Variants in STOX2 observed in about 807,000 individuals in gnomAD.
STOX2 encodes the protein storkhead-box protein 2.
A neutral mutation model predicts 60.9 loss-of-function variants in STOX2; 28 were observed. The ratio of observed to expected loss-of-function variants is 0.46; its 90% CI spans 0.34 to 0.63. The LOEUF is 0.63. Among genes scored for constraint, STOX2 ranks in the 30% least tolerant of loss-of-function variants. The pLI, the probability that STOX2 is intolerant of heterozygous loss-of-function variation, is 0.01. For synonymous variants in STOX2, 472 were observed against 463.9 expected, an observed-to-expected ratio of 1.02 and a Z score of -0.22; for missense variants, 1,024 against 1,187.7, an observed-to-expected ratio of 0.86 and a Z score of 2.03.
At chr4:183,930,023 C>G (rs1289629511) in intron 1 of STOX2, among the ~76,000 whole-genome samples, 2 of 152,070 alleles carry the variant, frequency 1.3e-5, no homozygotes, top group Non-Finnish European at 2.9e-5. Context: ...CTCACCACGC[C>G]TGGCTAATTT....
intron 1 of STOX2, among the ~76,000 whole-genome samples, chr4:183,799,701 T>A (rs1433366913): frequency 6.6e-6 from 1 of 151,882 alleles, no homozygotes; most frequent in African/African-American, 2.4e-5. Flanking sequence ...ATCAACTTGA[T>A]TTCATTTGTA....
intron 1 of STOX2, among the ~76,000 whole-genome samples, chr4:183,832,313 G>A (rs1739588780): frequency 6.6e-6 from 1 of 151,560 alleles, no homozygotes; most frequent in African/African-American, 2.4e-5. Flanking sequence ...ATTTCTATTT[G>A]TTTCTGAAAG....
At chr4:183,880,311 G>A (rs1481027303) in intron 1 of STOX2, among the ~76,000 whole-genome samples, 2 of 152,136 alleles carry the variant, frequency 1.3e-5, no homozygotes, top group African/African-American at 2.4e-5. Context: ...TACTGTGAGT[G>A]CAGGAGCAGA....
intron 1 of STOX2, among the ~76,000 whole-genome samples, chr4:183,915,106 G>A (rs967161625): frequency 5.3e-5 from 8 of 152,114 alleles, no homozygotes; most frequent in African/African-American, 1.2e-4. Flanking sequence ...ACTTTAATCC[G>A]TGATGGCCCC....
At chr4:183,891,361 TA>T (rs1560866684) in intron 1 of STOX2, among the ~76,000 whole-genome samples, 4 of 1,324 alleles carry the variant, frequency 3.0e-3, no homozygotes, top group African/African-American at 4.0e-3. Context: ...ATGGAATTTA[TA>T]TATATATATA....
intron 3 of STOX2, chr4:184,014,634 C>T (rs1013328205): frequency 2.6e-5 from 4 of 151,826 alleles, no homozygotes; most frequent in African/African-American, 9.7e-5. Flanking sequence ...TTACTGCTAA[C>T]ATTCTATCTC....
chr4:183,966,162 T>C (rs75702976), intron 1 of STOX2, among the ~76,000 whole-genome samples: 3,013 of 152,152 alleles, frequency 0.02, 99 homozygotes, highest in African/African-American at 0.069. Flanking sequence ...CCTTCAGCTC[T>C]ATATGGCCAA....
chr4:183,957,186 A>AAT (rs1462710839), intron 1 of STOX2, among the ~76,000 whole-genome samples: 1 of 127,890 alleles, frequency 7.8e-6, no homozygotes, highest in Non-Finnish European at 1.7e-5. Context: ...ATAATAATAA[A>AAT]AGAAAAAACA....
intron 1 of STOX2, among the ~76,000 whole-genome samples, chr4:183,802,148 A>T (rs1488366786): frequency 2.0e-5 from 3 of 152,198 alleles, no homozygotes; most frequent in African/African-American, 7.2e-5. Flanking sequence ...TCTGTCCCCA[A>T]ATGGGAAAGT....
At chr4:183,954,138 A>C (rs1181840662) in intron 1 of STOX2, among the ~76,000 whole-genome samples, 1 of 152,148 alleles carries the variant, frequency 6.6e-6, no homozygotes, top group African/African-American at 2.4e-5. Context: ...AAATAACATG[A>C]AAAAAGAAAC....
chr4:183,816,885 A>C (rs894671248), intron 1 of STOX2, among the ~76,000 whole-genome samples: 1 of 152,212 alleles, frequency 6.6e-6, no homozygotes, highest in Non-Finnish European at 1.5e-5. Context: ...TTCTTTGCAG[A>C]GGAAATGGGG....
At chr4:183,822,291 CT>C (rs1457919083) in intron 1 of STOX2, among the ~76,000 whole-genome samples, 1 of 152,212 alleles carries the variant, frequency 6.6e-6, no homozygotes, top group African/African-American at 2.4e-5. Context: ...GGTCTCCAAC[CT>C]TTTTGGCACC....
Position 183,906,803 on chromosome 4 carries a change from C to G in STOX2, c.13C>G (p.Arg5Gly), listed in dbSNP as rs1188519926. The change falls in exon 1 of 4, where the codon CGG becomes GGG. Residue 5 changes from arginine (R) to glycine (G), a missense_variant. Arg to Gly is a moderately radical substitution (Grantham distance 125). Around this residue, in one of 3 missense-constraint regions of STOX2, gnomAD observed 98 missense variants for 110.2 expected, o/e 0.89. Coordinates refer to ENST00000308497, the MANE Select transcript of STOX2 (RefSeq NM_020225.3). Reference sequence around the variant, plus strand: ...CGCCCTCCCCACCATGAAGAAGACCCGGAGCACAACCTTGCGGCGAGCCTG... The same window carrying G: ...CGCCCTCCCCACCATGAAGAAGACCGGGAGCACAACCTTGCGGCGAGCCTG... MKKTRSTTLRRAWPS... is the reference protein window; with the variant it reads MKKTGSTTLRRAWPS... The G allele has an allele frequency of 1.3e-6, 2 of 1,547,704 alleles. No individual in the cohort carries two copies. The highest frequency in any genetic ancestry group is 1.4e-5 in the African/African-American group (1 of 72,452).
intron 1 of STOX2, among the ~76,000 whole-genome samples, chr4:183,890,595 G>A (rs1741187011): frequency 7.7e-6 from 1 of 130,564 alleles, no homozygotes; most frequent in Admixed American, 8.0e-5. Context: ...GGATGATGGA[G>A]GGCAGAAAGG....
At chr4:183,850,225 G>A (rs913186097) in intron 1 of STOX2, among the ~76,000 whole-genome samples, 12 of 151,360 alleles carry the variant, frequency 7.9e-5, no homozygotes, top group African/African-American at 2.2e-4. Flanking sequence ...TGCCTGCCTC[G>A]GCCTCCCAAA....
intron 1 of STOX2, among the ~76,000 whole-genome samples, chr4:183,817,216 C>G (rs1465798763): frequency 6.6e-6 from 1 of 152,222 alleles, no homozygotes; most frequent in Admixed American, 6.5e-5. Flanking sequence ...GGGGGCTGAT[C>G]TGTGTCATTC....
rs1425802953 is a variant in STOX2 at position 184,009,407 on chromosome 4, C to T, written c.569C>T (p.Thr190Ile). The T allele has an allele frequency of 9.9e-6, 16 of 1,614,022 alleles. No homozygotes were observed. The highest frequency in any genetic ancestry group is 1.3e-5 in the Non-Finnish European group (15 of 1,179,890). Residue 190 changes from threonine (T) to isoleucine (I), a missense_variant, in exon 3 of 4, where the codon ACA becomes ATA. Coordinates refer to ENST00000308497, the MANE Select transcript of STOX2 (RefSeq NM_020225.3). This position sits in a 1 kb window ranked among gnomAD's most constrained non-coding sequence, Gnocchi z 4.0. ...GCCTCAGGCTGTGTCAGGGAAAGGA[C>T]ATTGCCCCGAAACCACTGCGACTCT... is the stretch of plus-strand genomic sequence containing the variant. ...PSASGCVRER[T>I]LPRNHCDSCH...
At chr4:183,850,368 A>T (rs911883466) in intron 1 of STOX2, among the ~76,000 whole-genome samples, 2 of 152,112 alleles carry the variant, frequency 1.3e-5, no homozygotes, top group African/African-American at 4.8e-5. Context: ...TAAGACAAGG[A>T]TTTGTGCTTA....
intron 1 of STOX2, among the ~76,000 whole-genome samples, chr4:183,897,867 C>T (rs1018309192): frequency 1.8e-4 from 27 of 152,126 alleles, no homozygotes; most frequent in Admixed American, 1.3e-3. Context: ...GGCTTCTCCA[C>T]GCTGGTTAAC....
Sources: allele counts gnomAD v4.1 joint callset (sites outside exome capture counted in the v4.1 genomes callset), GRCh38; gene constraint gnomAD v4.1.1; regional missense constraint gnomAD v4.1.1; non-coding constraint Gnocchi (gnomAD v3.1); transcripts MANE v1.5; gene names NCBI Gene and HGNC (gene_info 2026-07-23, HGNC 2026-07-21).